The following SLC22A23 variants were observed in gnomAD, a reference collection of about 807,000 sequenced individuals.
The protein encoded by SLC22A23 is solute carrier family 22 member 23, also known as ion transporter protein.
A neutral mutation model predicts 61.0 loss-of-function variants in SLC22A23; 26 were observed. The ratio of observed to expected loss-of-function variants is 0.43; its 90% CI spans 0.31 to 0.59. The LOEUF is 0.59. Among genes scored for constraint, SLC22A23 ranks in the 20% least tolerant of loss-of-function variants. SLC22A23 has a pLI of 0.11. For synonymous variants in SLC22A23, 430 were observed against 413.9 expected, an observed-to-expected ratio of 1.04 and a Z score of -0.47; for missense variants, 796 against 934.7, an observed-to-expected ratio of 0.85 and a Z score of 1.94.
chr6:3,421,325 T>C (rs896594117), intron 1 of SLC22A23, among the ~76,000 whole-genome samples: 10 of 152,192 alleles, frequency 6.6e-5, no homozygotes, highest in Non-Finnish European at 1.2e-4. Context: ...TGGAACTTTA[T>C]CTCAAGTAAA....
intron 1 of SLC22A23, among the ~76,000 whole-genome samples, chr6:3,455,595 G>A (rs971357157): frequency 6.6e-5 from 10 of 152,216 alleles, no homozygotes; most frequent in African/African-American, 2.4e-4. Context: ...CTTGAACGAC[G>A]CCAGTCCGAC....
intron 3 of SLC22A23, among the ~76,000 whole-genome samples, chr6:3,344,036 A>C (rs1437665199): frequency 1.3e-5 from 2 of 152,242 alleles, no homozygotes; most frequent in Non-Finnish European, 2.9e-5. Context: ...CTCTGACAGC[A>C]CTGGGGAATG....
chr6:3,347,412 T>C (rs994931360), intron 3 of SLC22A23, among the ~76,000 whole-genome samples: 13 of 152,016 alleles, frequency 8.6e-5, no homozygotes, highest in African/African-American at 2.2e-4. Context: ...ACCCCCAACA[T>C]TGGAGCATCA....
At chr6:3,426,715 C>T (rs1240029348) in intron 1 of SLC22A23, among the ~76,000 whole-genome samples, 3 of 152,050 alleles carry the variant, frequency 2.0e-5, no homozygotes, top group African/African-American at 7.2e-5. Context: ...GCCAGTACAA[C>T]CGTGGATCTA....
intron 1 of SLC22A23, among the ~76,000 whole-genome samples, chr6:3,446,902 G>A (rs560789663): frequency 8.5e-5 from 13 of 152,212 alleles, no homozygotes; most frequent in Admixed American, 4.6e-4. Context: ...GGTATCTCCC[G>A]AGAGTGTCTG....
At chr6:3,400,853 C>T (rs530148834) in intron 3 of SLC22A23, among the ~76,000 whole-genome samples, 2 of 152,334 alleles carry the variant, frequency 1.3e-5, no homozygotes, top group African/African-American at 4.8e-5. Flanking sequence ...CTCAATTGTA[C>T]TAAATGTAAC....
intron 9 of SLC22A23, among the ~76,000 whole-genome samples, chr6:3,279,603 G>GT (rs1024527184): frequency 5.9e-4 from 82 of 138,310 alleles, no homozygotes; most frequent in African/African-American, 1.3e-3. Context: ...TTTTGGCTTT[G>GT]TTTTTTTTTC....
intron 3 of SLC22A23, among the ~76,000 whole-genome samples, chr6:3,331,897 G>C (rs916612555): frequency 6.6e-6 from 1 of 152,204 alleles, no homozygotes; most frequent in Non-Finnish European, 1.5e-5. Flanking sequence ...GAGCAGAGAC[G>C]GGACAGGGTG....
chr6:3,310,050 G>T (rs1305783082), intron 4 of SLC22A23, among the ~76,000 whole-genome samples: 1 of 152,192 alleles, frequency 6.6e-6, no homozygotes, highest in Non-Finnish European at 1.5e-5. Flanking sequence ...AGAAGAGCTG[G>T]TTCTTAGAGA....
intron 3 of SLC22A23, among the ~76,000 whole-genome samples, chr6:3,368,278 G>A (rs1050238335): frequency 2.0e-5 from 3 of 152,172 alleles, no homozygotes; most frequent in Admixed American, 6.5e-5. Context: ...AGGCTTCCCC[G>A]CGAGGCCCTT....
chr6:3,361,795 C>T (rs1220995481), intron 3 of SLC22A23, among the ~76,000 whole-genome samples: 1 of 152,224 alleles, frequency 6.6e-6, no homozygotes, highest in Non-Finnish European at 1.5e-5. Flanking sequence ...CTCAACAGAT[C>T]GCAAAGGCCT....
At chr6:3,403,291 C>T (rs768628744) in intron 3 of SLC22A23, among the ~76,000 whole-genome samples, 23 of 151,370 alleles carry the variant, frequency 1.5e-4, no homozygotes, top group Non-Finnish European at 2.7e-4. Context: ...CACTCCTGAA[C>T]AATTTTTTCT....
chr6:3,329,798 T>A lies in SLC22A23; in HGVS notation c.914-5796A>T, dbSNP rs1763485178. On this transcript the variant is annotated intron_variant, in intron 3 of 9. Coordinates refer to ENST00000406686, the MANE Select transcript of SLC22A23 (RefSeq NM_015482.2). The surrounding 1 kb of genome is among the most constrained non-coding windows in gnomAD (Gnocchi z 4.8). ...CCTCACAGACATGAGGCCACCCTGC[T>A]AAGCTGCCCCGGGCACTCTGCAGGC... Among the ~76,000 whole-genome samples the A allele has an allele frequency of 1.3e-5, 2 of 152,178 alleles. No individual in the cohort carries two copies. The highest frequency in any genetic ancestry group is 2.9e-5 in the Non-Finnish European group (2 of 68,010).
intron 3 of SLC22A23, among the ~76,000 whole-genome samples, chr6:3,373,679 G>A (rs1766370243): frequency 6.6e-6 from 1 of 152,044 alleles, no homozygotes; most frequent in African/African-American, 2.4e-5. Flanking sequence ...AAAGGAAGAG[G>A]AGGAGGAGGA....
At chr6:3,403,448 G>A (rs1185585407) in intron 3 of SLC22A23, among the ~76,000 whole-genome samples, 2 of 152,164 alleles carry the variant, frequency 1.3e-5, no homozygotes, top group African/African-American at 2.4e-5. Flanking sequence ...TTTCCAGCAG[G>A]GGCCAGCAAG....
At chr6:3,423,813 C>G (rs926953506) in intron 1 of SLC22A23, among the ~76,000 whole-genome samples, 1 of 152,182 alleles carries the variant, frequency 6.6e-6, no homozygotes, top group Non-Finnish European at 1.5e-5. Flanking sequence ...TCAACAGAGC[C>G]GGACTGTAGC....
At chr6:3,365,325 AAAAC>A (rs746942908) in intron 3 of SLC22A23, among the ~76,000 whole-genome samples, 7 of 152,172 alleles carry the variant, frequency 4.6e-5, no homozygotes, top group Non-Finnish European at 7.3e-5. Context: ...CTGTCTCGAA[AAAAC>A]AAACAAACAA....
At chr6:3,452,363 CAGA>C (rs1440834669) in intron 1 of SLC22A23, among the ~76,000 whole-genome samples, 5 of 151,998 alleles carry the variant, frequency 3.3e-5, no homozygotes, top group African/African-American at 9.7e-5. Context: ...GAGGCCGAGG[CAGA>C]AGGACAGCTT....
At position 3,427,843 on chromosome 6, in the gene SLC22A23, A is replaced by G. The variant is rs567413191; in HGVS notation, c.655-11988T>C. Among the ~76,000 whole-genome samples the G allele has an allele frequency of 1.3e-5, 2 of 151,750 alleles. No homozygotes were observed. The highest frequency in any genetic ancestry group is 2.9e-5 in the Non-Finnish European group (2 of 68,024). ...TTAATCTTCTAAAAACACCGTGCCA[A>G]ACTGGCAGCATGACAGCAGAGTGTG... On this transcript the variant is annotated intron_variant, in intron 1 of 9. Coordinates refer to ENST00000406686, the MANE Select transcript of SLC22A23 (RefSeq NM_015482.2). This position sits in a 1 kb window ranked among gnomAD's most constrained non-coding sequence, Gnocchi z 4.3.
Sources: allele counts gnomAD v4.1 joint callset (sites outside exome capture counted in the v4.1 genomes callset), GRCh38; gene constraint gnomAD v4.1.1; non-coding constraint Gnocchi (gnomAD v3.1); transcripts MANE v1.5; gene names NCBI Gene and HGNC (gene_info 2026-07-23, HGNC 2026-07-21).